DLGAP3: variants seen among roughly 807,000 people sequenced by gnomAD.
DLGAP3 encodes the protein DLG associated protein 3.
In DLGAP3, 17 loss-of-function variants were observed where a neutral mutation model predicts 81.2. The observed-to-expected ratio is 0.21, with a 90% CI of 0.14 to 0.31. DLGAP3 has a LOEUF of 0.31. Ranked by LOEUF, DLGAP3 falls within the 10% of genes least tolerant of loss-of-function variation. DLGAP3 has a pLI of 1.00. For synonymous variants in DLGAP3, 577 were observed against 587.4 expected, an observed-to-expected ratio of 0.98 and a Z score of 0.26; for missense variants, 1,124 against 1,388.0, an observed-to-expected ratio of 0.81 and a Z score of 3.02.
chr1:34,876,361 C>T (rs1344705554), intron 8 of DLGAP3, among the ~76,000 whole-genome samples: 1 of 152,136 alleles, frequency 6.6e-6, no homozygotes, highest in Admixed American at 6.6e-5. Context: ...CTTTCCTGCT[C>T]AGCAATTTTT....
chr1:34,906,112 AT>A (rs1639552160), intron 2 of DLGAP3, among the ~76,000 whole-genome samples: 1 of 146,660 alleles, frequency 6.8e-6, no homozygotes, highest in African/African-American at 2.5e-5. Flanking sequence ...ACATAGAAAT[AT>A]TTTTATATAT....
intron 1 of DLGAP3, among the ~76,000 whole-genome samples, chr1:34,912,279 C>T (rs567314088): frequency 6.6e-4 from 101 of 152,220 alleles, no homozygotes; most frequent in African/African-American, 2.2e-3. Context: ...CCATCTAAGA[C>T]GAAAGACACT....
At chr1:34,908,198 G>A (rs1339806881) in intron 1 of DLGAP3, among the ~76,000 whole-genome samples, 1 of 152,242 alleles carries the variant, frequency 6.6e-6, no homozygotes, top group East Asian at 1.9e-4. Context: ...GCTTTGCCCA[G>A]GGCCAGTCCT....
intron 3 of DLGAP3, among the ~76,000 whole-genome samples, chr1:34,903,040 C>A (rs1384382048): frequency 6.6e-6 from 1 of 152,190 alleles, no homozygotes; most frequent in African/African-American, 2.4e-5. Context: ...TTCATGAGTT[C>A]TCCAGGAGAG....
intron 1 of DLGAP3, among the ~76,000 whole-genome samples, chr1:34,919,978 G>A (rs547636397): frequency 1.2e-3 from 181 of 152,278 alleles, no homozygotes; most frequent in Middle Eastern, 3.4e-3. Flanking sequence ...CCAGGGTAGA[G>A]GACCAGAAGT....
rs771794556 is a variant in DLGAP3, at chr1:34,868,752, G to A, written c.2338C>T (p.Arg780Cys). ...RRDSWIERGS[R>C]SLPDSGRASP... ...GCGCGGCCTGAGTCGGGGAGGCTACGTGAACCGCGCTCTATCCAGGAGTCA... is the reference window on the plus strand; with the variant it reads ...GCGCGGCCTGAGTCGGGGAGGCTACATGAACCGCGCTCTATCCAGGAGTCA... Residue 780 changes from arginine to cysteine, a missense_variant, in exon 9 of 12, where the codon CGT (arginine) becomes TGT (cysteine). By Grantham distance (180) the Arg-to-Cys change is radical. Coordinates refer to ENST00000373347, the MANE Select transcript of DLGAP3 (RefSeq NM_001080418.3). This position sits in a 1 kb window ranked among gnomAD's most constrained non-coding sequence, Gnocchi z 7.5. 14 of 1,606,936 alleles carry A rather than the reference G, an allele frequency of 8.7e-6. No individual in the cohort carries two copies. The highest frequency in any genetic ancestry group is 1.2e-5 in the Non-Finnish European group (14 of 1,179,740).
At chr1:34,892,333 T>G (rs1025803475) in intron 5 of DLGAP3, among the ~76,000 whole-genome samples, 4 of 151,454 alleles carry the variant, frequency 2.6e-5, no homozygotes, top group African/African-American at 9.7e-5. Flanking sequence ...TAAACAGAAA[T>G]GAACACAGCC....
rs1374354711 is a variant in DLGAP3 at position 34,907,444 on chromosome 1, G to C, written c.-134-7C>G. On this transcript the variant is annotated splice_polypyrimidine_tract_variant and splice_region_variant and intron_variant, in intron 1 of 11. Transcript: ENST00000373347. ...GGCTCAGGACCACTGAATCCTGATG[G>C]AAAAGAAAAGGATGGTAAGCAAAAG... 6.6e-6 allele frequency: 1 copy of C among 152,560 alleles called. No homozygotes were observed. The highest frequency in any genetic ancestry group is 1.5e-5 in the Non-Finnish European group (1 of 68,026). The allele number at this position is 152,560 out of a possible 1,614,324, so 9.5% of individuals were successfully genotyped here.
At chr1:34,924,000 A>G (rs1016937012) in intron 1 of DLGAP3, among the ~76,000 whole-genome samples, 14 of 152,118 alleles carry the variant, frequency 9.2e-5, no homozygotes, top group African/African-American at 3.4e-4. Flanking sequence ...GGGGATGGGA[A>G]GTGAAGCCAC....
At chr1:34,886,399 C>T (rs1639230728) in intron 5 of DLGAP3, 114 bp from the exon 6 acceptor site, 3 of 1,014,906 alleles carry the variant, frequency 3.0e-6, no homozygotes, top group Admixed American at 2.9e-5. Flanking sequence ...CTGTAGGCGA[C>T]TCTTCCGCAT....
Position 34,923,483 on chromosome 1 carries a change from G to A in DLGAP3, c.-135+5968C>T, listed in dbSNP as rs1332047891. On this transcript the variant is annotated intron_variant, in intron 1 of 11. Coordinates refer to ENST00000373347, the MANE Select transcript of DLGAP3 (RefSeq NM_001080418.3). ...GCTGCAGACACCTCCTGGCAAGGAA[G>A]CAGCTGCTGGAACAGTGGATCAGGA... 2.6e-5 allele frequency among the ~76,000 whole-genome samples: 4 copies of A among 152,196 alleles called. No individual in the cohort carries two copies. In the East Asian group the frequency reaches 7.7e-4, roughly 29 times the overall value.
At chr1:34,915,839 T>C (rs1456302834) in intron 1 of DLGAP3, among the ~76,000 whole-genome samples, 1 of 150,050 alleles carries the variant, frequency 6.7e-6, no homozygotes, top group Non-Finnish European at 1.5e-5. Context: ...CAGCTCAGAC[T>C]GCAAAACCCC....
intron 3 of DLGAP3, among the ~76,000 whole-genome samples, chr1:34,901,597 A>C (rs1056795117): frequency 4.6e-5 from 7 of 152,214 alleles, no homozygotes; most frequent in African/African-American, 1.7e-4. Context: ...GGCAAAGATA[A>C]ATGAGCCAAT....
At chr1:34,899,641 C>T (rs758237584) in intron 5 of DLGAP3, 28 bp downstream of exon 5, 4 of 1,581,898 alleles carry the variant, frequency 2.5e-6, no homozygotes, top group East Asian at 2.2e-5. Context: ...TTCACTCTTT[C>T]CTCCAGGCAT....
Position 34,885,463 on chromosome 1 carries a change from C to G in DLGAP3, c.1914+15G>C. ...CCAGGGTCAGAGCCCTCGTGGGCGCCTCCCCGTTCCATACCTGCACCCCAA... is the reference window on the plus strand; with the variant it reads ...CCAGGGTCAGAGCCCTCGTGGGCGCGTCCCCGTTCCATACCTGCACCCCAA... On this transcript the variant is annotated intron_variant, in intron 7 of 11. Transcript: ENST00000373347. 1 of 1,604,868 alleles carries G rather than the reference C, an allele frequency of 6.2e-7. No homozygotes were observed. The highest frequency in any genetic ancestry group is 8.5e-7 in the Non-Finnish European group (1 of 1,179,574).
At chr1:34,921,895 G>T (rs1044324898) in intron 1 of DLGAP3, among the ~76,000 whole-genome samples, 1 of 152,198 alleles carries the variant, frequency 6.6e-6, no homozygotes, top group Non-Finnish European at 1.5e-5. Flanking sequence ...TAATGGATGT[G>T]CATGTTAGAA....
At chr1:34,891,073 G>A (rs61776350) in intron 5 of DLGAP3, among the ~76,000 whole-genome samples, 37,246 of 152,006 alleles carry the variant, frequency 0.25, 5,399 homozygotes, top group Non-Finnish European at 0.34. Flanking sequence ...AAGAAAATAC[G>A]ACTCTAAAGC....
intron 1 of DLGAP3, among the ~76,000 whole-genome samples, chr1:34,917,331 G>A (rs547275519): frequency 4.7e-5 from 7 of 149,726 alleles, no homozygotes; most frequent in Admixed American, 1.3e-4. Flanking sequence ...ATTTCCATCC[G>A]ATAGATCCTT....
At chr1:34,878,985 T>G (rs939658724) in intron 8 of DLGAP3, among the ~76,000 whole-genome samples, 1 of 149,278 alleles carries the variant, frequency 6.7e-6, no homozygotes, top group East Asian at 2.0e-4. Flanking sequence ...GGCAGGAGAA[T>G]GGCGTGAACC....
Sources: gnomAD v4.1 joint callset for allele counts (sites outside exome capture counted in the v4.1 genomes callset) on GRCh38, gnomAD v4.1.1 for gene constraint, Gnocchi (gnomAD v3.1) non-coding constraint, MANE v1.5 for transcripts, NCBI Gene and HGNC (gene_info 2026-07-23, HGNC 2026-07-21) for gene names.